Variants in STAT1 observed in about 807,000 individuals in gnomAD.
STAT1 encodes the protein signal transducer and activator of transcription 1, also known as signal transducer and activator of transcription 1-alpha/beta.
In STAT1, 24 loss-of-function variants were observed where a neutral mutation model predicts 111.7. The observed-to-expected ratio is 0.21, with a 90% CI of 0.16 to 0.30. The LOEUF (loss-of-function observed/expected upper bound fraction) is 0.30, where lower values mean the gene tolerates loss of function less well. Ranked by LOEUF, STAT1 falls within the 10% of genes least tolerant of loss-of-function variation. The pLI, the probability that STAT1 is intolerant of heterozygous loss-of-function variation, is 1.00. For synonymous variants in STAT1, 332 were observed against 326.5 expected (o/e 1.02, Z -0.18); for missense variants, 351 against 911.9 (o/e 0.38, Z 7.92).
Position 190,980,517 on chromosome 2 carries a change from C to T in STAT1, c.1632+103G>A. ...GGCTCCTTGGCCAGAGAAGAACACG[C>T]CAAAATAAGCAAACAGTTAAGTAAC... is the stretch of plus-strand genomic sequence containing the variant. On this transcript the variant is annotated intron_variant, in intron 19 of 24. Coordinates refer to ENST00000361099, the MANE Select transcript of STAT1 (RefSeq NM_007315.4). The surrounding 1 kb of genome is among the most constrained non-coding windows in gnomAD (Gnocchi z 6.1). 1 of 1,392,294 alleles carries T rather than the reference C, an allele frequency of 7.2e-7. No homozygotes were observed. The highest frequency in any genetic ancestry group is 1.2e-5 in the South Asian group (1 of 86,394). The allele number at this position is 1,392,294 out of a possible 1,614,324, so 86.2% of individuals were successfully genotyped here.
At chr2:191,010,082 T>C (rs929856474) in intron 2 of STAT1, 78 bp from the exon 3 acceptor site, 12 of 1,532,146 alleles carry the variant, frequency 7.8e-6, no homozygotes, top group Admixed American at 1.8e-5. Context: ...TAGCATCAGG[T>C]TGTACTCTTA....
At chr2:191,009,583 T>C (rs533143458) in intron 3 of STAT1, among the ~76,000 whole-genome samples, 8 of 152,348 alleles carry the variant, frequency 5.3e-5, no homozygotes, top group African/African-American at 1.9e-4. Context: ...AGTTGGAAAA[T>C]AATCGGTGTC....
In STAT1 at chr2:190,982,484, C is replaced by T. The variant is rs770809861; in HGVS notation, c.1481G>A (p.Arg494Gln). 4.3e-6 allele frequency: 7 copies of T among 1,614,174 alleles called. No homozygotes were observed. The highest frequency in any genetic ancestry group is 5.9e-6 in the Non-Finnish European group (7 of 1,180,024). The change falls in exon 18 of 25, where the codon CGA becomes CAA. Residue 494 changes from arginine (R) to glutamine (Q), a missense_variant. Physicochemically the swap from Arg to Gln is conservative, Grantham distance 43. This residue lies in a region of STAT1 where 181 missense variants were observed against 426.1 expected (regional missense o/e 0.42). Coordinates refer to ENST00000361099, the MANE Select transcript of STAT1 (RefSeq NM_007315.4). This position sits in a 1 kb window ranked among gnomAD's most constrained non-coding sequence, Gnocchi z 7.3. ...CAGCACTTCTGAAAGCTGAGCCCAT[C>T]GTGCACATGGTGGAGTCAGGAAGAA... ...LSFFLTPPCA[R>Q]WAQLSEVLSW...
chr2:191,010,007 A>G lies in STAT1; in HGVS notation c.-1-3T>C. 1 of 1,613,884 alleles carries G rather than the reference A, an allele frequency of 6.2e-7. No individual in the cohort carries two copies. The highest frequency in any genetic ancestry group is 8.5e-7 in the Non-Finnish European group (1 of 1,179,818). On this transcript the variant is annotated splice_region_variant and splice_polypyrimidine_tract_variant and intron_variant, in intron 2 of 24. Transcript: ENST00000361099. The stretch of plus-strand genomic sequence containing the variant: ...GAAGTTCGTACCACTGAGACATCCT[A>G]TAGGGAAAAAGAATATACATTCTTT...
intron 15 of STAT1, 88 bp downstream of exon 15, chr2:190,985,531 G>T (rs1692735437): frequency 3.6e-6 from 5 of 1,387,722 alleles, no homozygotes; most frequent in Non-Finnish European, 4.1e-6. Context: ...GAACTCCTCT[G>T]TGAGGTGTCC....
Position 190,987,921 on chromosome 2 carries a change from T to G in STAT1, c.1098-853A>C, listed in dbSNP as rs1378543732. Among the ~76,000 whole-genome samples the G allele has an allele frequency of 6.6e-6, 1 of 152,136 alleles. No individual in the cohort carries two copies. The highest frequency in any genetic ancestry group is 1.5e-5 in the Non-Finnish European group (1 of 68,026). Reference sequence around the variant, plus strand: ...GGATAGTATGATAAAAGCTGACTTGTCAAAGCTAAGAAGACCGTCAGAGCT... The same window carrying G: ...GGATAGTATGATAAAAGCTGACTTGGCAAAGCTAAGAAGACCGTCAGAGCT... On this transcript the variant is annotated intron_variant, in intron 12 of 24. Transcript: ENST00000361099. The surrounding 1 kb of genome is among the most constrained non-coding windows in gnomAD (Gnocchi z 4.0).
At chr2:190,994,927 A>AATAC (rs1553496760) in intron 10 of STAT1, 134 bp downstream of exon 10, 8 of 135,120 alleles carry the variant, frequency 5.9e-5, no homozygotes, top group Admixed American at 2.9e-4. Flanking sequence ...AAAAAAAAAA[A>AATAC]ATATATATAT....
Position 191,006,017 on chromosome 2 carries a change from G to A in STAT1, c.372+1546C>T, listed in dbSNP as rs936579070. 2.0e-5 allele frequency among the ~76,000 whole-genome samples: 3 copies of A among 152,264 alleles called. No homozygotes were observed. Among genetic ancestry groups the A allele is most frequent in the Non-Finnish European group, 2.9e-5 (2 of 68,048 alleles). The stretch of plus-strand genomic sequence containing the variant: ...TCCAAAGCCAGGGGATGAGGTTCAT[G>A]TGGGAGAGCAGGGGTCACCTACTCT... On this transcript the variant is annotated intron_variant, in intron 5 of 24. Coordinates refer to ENST00000361099, the MANE Select transcript of STAT1 (RefSeq NM_007315.4). The surrounding 1 kb of genome is among the most constrained non-coding windows in gnomAD (Gnocchi z 4.6).
chr2:191,008,873 G>A (rs1694910057), intron 4 of STAT1, 90 bp downstream of exon 4: 2 of 1,382,492 alleles, frequency 1.4e-6, no homozygotes, highest in Non-Finnish European at 2.0e-6. Flanking sequence ...ATACCAATAA[G>A]TGTGTGCTCA....
intron 4 of STAT1, among the ~76,000 whole-genome samples, chr2:191,008,606 G>A (rs1348223118): frequency 1.3e-5 from 2 of 152,156 alleles, no homozygotes; most frequent in Non-Finnish European, 2.9e-5. Flanking sequence ...ATGTTCCCTG[G>A]AGCTTTAATG....
Position 190,991,361 on chromosome 2 carries a change from A to G in STAT1, c.945-41T>C, listed in dbSNP as rs199592309. 4.7e-5 allele frequency: 75 copies of G among 1,591,796 alleles called. No homozygotes were observed. The Admixed American group carries it at 1.2e-3, about 26-fold the overall frequency. Reference sequence around the variant, plus strand: ...AAAGGATAGATAAGTTAGCATTTCCATTAAGGTTGAGGCAATCACAATGAT... The same window carrying G: ...AAAGGATAGATAAGTTAGCATTTCCGTTAAGGTTGAGGCAATCACAATGAT... On this transcript the variant is annotated intron_variant, in intron 10 of 24. Coordinates refer to ENST00000361099, the MANE Select transcript of STAT1 (RefSeq NM_007315.4).
In STAT1 at chr2:191,006,022, A is replaced by C. The variant is rs1333852038; in HGVS notation, c.372+1541T>G. Among the ~76,000 whole-genome samples the C allele has an allele frequency of 6.6e-6, 1 of 152,232 alleles. No homozygotes were observed. The highest frequency in any genetic ancestry group is 1.5e-5 in the Non-Finnish European group (1 of 68,034). ...AGCCAGGGGATGAGGTTCATGTGGG[A>C]GAGCAGGGGTCACCTACTCTGCTGC... is the stretch of plus-strand genomic sequence containing the variant. On this transcript the variant is annotated intron_variant, in intron 5 of 24. Transcript: ENST00000361099. This position sits in a 1 kb window ranked among gnomAD's most constrained non-coding sequence, Gnocchi z 4.6.
intron 5 of STAT1, among the ~76,000 whole-genome samples, chr2:191,005,631 T>C (rs180994706): frequency 7.2e-5 from 11 of 152,350 alleles, no homozygotes; most frequent in Admixed American, 6.5e-4. Context: ...AAGTGCACTC[T>C]ATAATGTTTG....
intron 3 of STAT1, 58 bp from the exon 4 acceptor site, chr2:191,009,165 A>C: frequency 6.3e-7 from 1 of 1,579,888 alleles, no homozygotes; most frequent in South Asian, 1.2e-5. Context: ...TGTAAAACAG[A>C]CAAAACAAAT....
rs759048297 is a variant in STAT1 at position 191,009,867 on chromosome 2, T to C, written c.128+9A>G. 2 of 1,613,712 alleles carry C rather than the reference T, an allele frequency of 1.2e-6. No individual in the cohort carries two copies. Among genetic ancestry groups the C allele is most frequent in the Non-Finnish European group, 1.7e-6 (2 of 1,179,786 alleles). ...AAACTTCTTCTTCTGTCTAGTGAAT[T>C]TTCCTTACCAGTCTTGCTTTTCTAA... is the stretch of plus-strand genomic sequence containing the variant. On this transcript the variant is annotated intron_variant, in intron 3 of 24. Transcript: ENST00000361099.
rs1692546580 is a variant in STAT1, at chr2:190,983,513, T to C, written c.1446+129A>G. On this transcript the variant is annotated intron_variant, in intron 17 of 24. Coordinates refer to ENST00000361099, the MANE Select transcript of STAT1 (RefSeq NM_007315.4). This position sits in a 1 kb window ranked among gnomAD's most constrained non-coding sequence, Gnocchi z 5.7. ...TATTCCCAGATTTACTCAAAAGCCT[T>C]AGAAATACCACAGGAGCTTTGTCAC... is the stretch of plus-strand genomic sequence containing the variant. The C allele has an allele frequency of 5.9e-6, 5 of 845,618 alleles. No individual in the cohort carries two copies. The highest frequency in any genetic ancestry group is 6.3e-4 in the Middle Eastern group (2 of 3,196). 52.4% of individuals were successfully genotyped at this position (845,618 alleles called of 1,614,324 possible). A position where few individuals can be genotyped will look rare whatever the true frequency, so the allele number is the denominator to read the frequency against.
Position 190,975,498 on chromosome 2 carries a change from G to T in STAT1, c.2135+314C>A, listed in dbSNP as rs996618229. The T allele has an allele frequency of 9.1e-7, 1 of 1,093,658 alleles. No individual in the cohort carries two copies. Among genetic ancestry groups the T allele is most frequent in the Non-Finnish European group, 1.3e-6 (1 of 788,458 alleles). 67.7% of individuals were successfully genotyped at this position (1,093,658 alleles called of 1,614,324 possible). A position where few individuals can be genotyped will look rare whatever the true frequency, so the allele number is the denominator to read the frequency against. ...GACAGTGTATCTCAATCATTACTTT[G>T]GCCTTTTCTAGATTGAAAAGAACTA... On this transcript the variant is annotated intron_variant, in intron 23 of 24. Transcript: ENST00000361099. This position sits in a 1 kb window ranked among gnomAD's most constrained non-coding sequence, Gnocchi z 5.9.
In STAT1 at chr2:190,983,602, C is replaced by T; in HGVS notation, c.1446+40G>A. The T allele has an allele frequency of 6.3e-7, 1 of 1,580,726 alleles. No individual in the cohort carries two copies. Among genetic ancestry groups the T allele is most frequent in the Non-Finnish European group, 8.7e-7 (1 of 1,149,692 alleles). ...ATGCAGCAGTGAGAGCGTGGGGTCT[C>T]TGCTTAACCCTGGGACCAAAGCAAA... On this transcript the variant is annotated intron_variant, in intron 17 of 24. Coordinates refer to ENST00000361099, the MANE Select transcript of STAT1 (RefSeq NM_007315.4). This position sits in a 1 kb window ranked among gnomAD's most constrained non-coding sequence, Gnocchi z 5.7.
rs887935841 is a variant in STAT1 at position 190,969,315 on chromosome 2, A to G, written c.*1388T>C. Reference sequence around the variant, plus strand: ...CTGTGTGCATATTATATTTAATGCAATACAGATACTTTAGCTTTAATTTTA... The same window carrying G: ...CTGTGTGCATATTATATTTAATGCAGTACAGATACTTTAGCTTTAATTTTA... On this transcript the variant is annotated 3_prime_UTR_variant, in exon 25 of 25. Coordinates refer to ENST00000361099, the MANE Select transcript of STAT1 (RefSeq NM_007315.4). The G allele has an allele frequency of 6.6e-6, 1 of 152,202 alleles. No homozygotes were observed. The highest frequency in any genetic ancestry group is 1.9e-4 in the East Asian group (1 of 5,202). 9.4% of individuals were successfully genotyped at this position (152,202 alleles called of 1,614,324 possible).
Sources: allele counts gnomAD v4.1 joint callset (sites outside exome capture counted in the v4.1 genomes callset), GRCh38; gene constraint gnomAD v4.1.1; regional missense constraint gnomAD v4.1.1; non-coding constraint Gnocchi (gnomAD v3.1); transcripts MANE v1.5; gene names NCBI Gene and HGNC (gene_info 2026-07-23, HGNC 2026-07-21).